Variants in RTL4 observed in about 807,000 individuals in gnomAD.
The protein encoded by RTL4 is retrotransposon Gag like 4.
A neutral mutation model predicts 5.3 loss-of-function variants in RTL4; 4 were observed. That is an observed-to-expected ratio of 0.75 (90% CI 0.37 to 1.72). The LOEUF is 1.72. Among genes scored for constraint, RTL4 ranks in the 40% most tolerant of loss-of-function variants. The pLI is 0.04. For synonymous variants in RTL4, 98 were observed against 87.3 expected, an observed-to-expected ratio of 1.12 and a Z score of -0.68; for missense variants, 260 against 227.1, an observed-to-expected ratio of 1.14 and a Z score of -0.93.
chrX:112,196,069 G>A, the RTL4 span, among the ~76,000 whole-genome samples: 1 of 111,347 alleles, frequency 9.0e-6, no homozygotes, highest in African/African-American at 3.3e-5. Context: ...TAGGGATACA[G>A]TCAAGTTAAA....
At chrX:112,446,820 C>T in the RTL4 span, among the ~76,000 whole-genome samples, 1 of 111,572 alleles carries the variant, frequency 9.0e-6, no homozygotes. Flanking sequence ...TGCACTTCAC[C>T]TAGGCAACAG....
chrX:112,226,395 A>G, the RTL4 span, among the ~76,000 whole-genome samples: 1 of 111,683 alleles, frequency 9.0e-6, no homozygotes, highest in African/African-American at 3.3e-5. Flanking sequence ...TCACTATGGG[A>G]TGCGTTATTG....
the RTL4 span, among the ~76,000 whole-genome samples, chrX:112,214,130 T>C: frequency 5.4e-5 from 6 of 111,621 alleles, no homozygotes; most frequent in African/African-American, 2.0e-4. Context: ...TAGGATGTAT[T>C]TATCTTGTGT....
chrX:112,237,308 A>G, the RTL4 span, among the ~76,000 whole-genome samples: 1 of 112,176 alleles, frequency 8.9e-6, no homozygotes, highest in African/African-American at 3.2e-5. Context: ...GGGTAAGACA[A>G]TTAGATAGTG....
the RTL4 span, among the ~76,000 whole-genome samples, chrX:112,262,278 T>G: frequency 2.7e-5 from 3 of 111,558 alleles, no homozygotes; most frequent in Non-Finnish European, 5.6e-5. Context: ...GGGAGAAAAT[T>G]TTTGCCATCT....
chrX:112,373,102 G>A, the RTL4 span, among the ~76,000 whole-genome samples: 1 of 111,356 alleles, frequency 9.0e-6, no homozygotes, highest in Non-Finnish European at 1.9e-5. Flanking sequence ...TCTCAACAAC[G>A]GACATTCTTG....
At chrX:112,447,616 C>T in the RTL4 span, among the ~76,000 whole-genome samples, 1 of 112,137 alleles carries the variant, frequency 8.9e-6, no homozygotes, top group Admixed American at 9.4e-5. Flanking sequence ...TTTTTATCTT[C>T]TGGGAGGGAG....
the RTL4 span, among the ~76,000 whole-genome samples, chrX:112,172,021 A>G: frequency 4.4e-5 from 5 of 112,462 alleles, no homozygotes; most frequent in Non-Finnish European, 7.5e-5. Flanking sequence ...CAAGAAAAAA[A>G]CAAACAACTC....
the RTL4 span, among the ~76,000 whole-genome samples, chrX:112,212,341 A>T: frequency 8.9e-6 from 1 of 111,756 alleles, no homozygotes; most frequent in Non-Finnish European, 1.9e-5. Flanking sequence ...GCGCCACTGC[A>T]CTCCAGCCTG....
the RTL4 span, among the ~76,000 whole-genome samples, chrX:112,333,114 A>T: frequency 9.1e-6 from 1 of 110,022 alleles, no homozygotes; most frequent in Non-Finnish European, 1.9e-5. Context: ...GTGTGAATAT[A>T]TTCAATGGTG....
chrX:112,108,455 C>A, the RTL4 span, among the ~76,000 whole-genome samples: 6 of 111,427 alleles, frequency 5.4e-5, no homozygotes, highest in Non-Finnish European at 1.1e-4. Flanking sequence ...CTGGGAGAGC[C>A]CTTTAACAGT....
chrX:112,274,545 C>T, the RTL4 span, among the ~76,000 whole-genome samples: 1 of 111,570 alleles, frequency 9.0e-6, no homozygotes, highest in Non-Finnish European at 1.9e-5. Flanking sequence ...CAAACAAGTA[C>T]GAAAGCAAGA....
At chrX:112,248,124 A>G in the RTL4 span, among the ~76,000 whole-genome samples, 2 of 112,590 alleles carry the variant, frequency 1.8e-5, no homozygotes, top group African/African-American at 6.4e-5. Context: ...TAATCAATGT[A>G]AGTGGAAGAC....
chrX:112,106,303 C>T, the RTL4 span, among the ~76,000 whole-genome samples: 7 of 111,752 alleles, frequency 6.3e-5, no homozygotes, highest in African/African-American at 2.3e-4. Flanking sequence ...TTGCATCTAT[C>T]TTCATCAGGT....
At chrX:112,084,039 C>T in the RTL4 span, among the ~76,000 whole-genome samples, 1 of 111,578 alleles carries the variant, frequency 9.0e-6, no homozygotes, top group South Asian at 3.8e-4. Context: ...AGAACAATCC[C>T]TAGCTCTGAG....
the RTL4 span, among the ~76,000 whole-genome samples, chrX:112,362,355 TGTG>T: frequency 8.9e-6 from 1 of 111,879 alleles, no homozygotes; most frequent in Non-Finnish European, 1.9e-5. Flanking sequence ...TAAGATCAGT[TGTG>T]GTGATACTAA....
the RTL4 span, among the ~76,000 whole-genome samples, chrX:112,400,727 T>C: frequency 1.8e-5 from 2 of 112,267 alleles, no homozygotes; most frequent in Non-Finnish European, 3.8e-5. Flanking sequence ...AAAGATTTAA[T>C]AGGTGGAATA....
the RTL4 span, among the ~76,000 whole-genome samples, chrX:112,296,418 A>C: frequency 9.1e-6 from 1 of 110,336 alleles, no homozygotes; most frequent in African/African-American, 3.3e-5. Flanking sequence ...GCTACATTAC[A>C]CCCTGTATTT....
At chrX:112,136,069 G>A in the RTL4 span, among the ~76,000 whole-genome samples, 1 of 109,801 alleles carries the variant, frequency 9.1e-6, no homozygotes, top group African/African-American at 3.3e-5. Context: ...TTATTCCTAA[G>A]TGTTTTATTC....
Sources: allele counts gnomAD v4.1 joint callset (sites outside exome capture counted in the v4.1 genomes callset), GRCh38; gene constraint gnomAD v4.1.1; transcripts MANE v1.5; gene names NCBI Gene and HGNC (gene_info 2026-07-23, HGNC 2026-07-21).